The following GIGYF2 variants were observed in gnomAD, a reference collection of about 807,000 sequenced individuals.
GIGYF2 encodes the protein GRB10-interacting GYF protein 2.
Under a neutral mutation model 208.1 loss-of-function variants are expected in GIGYF2, and 25 were observed. The ratio of observed to expected loss-of-function variants is 0.12; its 90% CI spans 0.09 to 0.17. GIGYF2 has a LOEUF of 0.17. GIGYF2 is among the 10% of genes least tolerant of loss of function. The pLI is 1.00. For synonymous variants in GIGYF2, 534 were observed against 543.8 expected (o/e 0.98, Z 0.25); for missense variants, 1,302 against 1,579.4 (o/e 0.82, Z 2.98).
At position 232,735,211 on chromosome 2, in the gene GIGYF2, C is replaced by T. The variant is rs763613530; in HGVS notation, c.14C>T (p.Thr5Met). 8 of 1,608,502 alleles carry T rather than the reference C, an allele frequency of 5.0e-6. No individual in the cohort carries two copies. Among genetic ancestry groups the T allele is most frequent in the South Asian group, 3.3e-5 (3 of 90,928 alleles). ...ATACGGAAAAGAATGGCAGCGGAAA[C>T]GCAGACACTGAACTTTGGGCCTGAA... MAAETQTLNFGPEWL... is the reference protein window; with the variant it reads MAAEMQTLNFGPEWL... Residue 5 changes from threonine (T) to methionine (M), a missense_variant, in exon 3 of 29, where the codon ACG (threonine) becomes ATG (methionine). By Grantham distance (81) the Thr-to-Met change is moderately conservative (BLOSUM62 -1). This residue lies in a region of GIGYF2 where 27 missense variants were observed against 59.5 expected (regional missense o/e 0.45). Transcript: ENST00000373563.
intron 3 of GIGYF2, among the ~76,000 whole-genome samples, chr2:232,742,655 G>A (rs889592583): frequency 4.6e-5 from 7 of 152,152 alleles, no homozygotes; most frequent in African/African-American, 1.7e-4. Flanking sequence ...ATAAAAGTGT[G>A]AATAAAAATT....
At chr2:232,836,308 A>ATACT in intron 22 of GIGYF2, among the ~76,000 whole-genome samples, 1 of 21,586 alleles carries the variant, frequency 4.6e-5, no homozygotes, top group Admixed American at 7.2e-4. Flanking sequence ...ATATATATAT[A>ATACT]TATATATATA....
At chr2:232,853,476 T>C (rs531323998) in intron 28 of GIGYF2, among the ~76,000 whole-genome samples, 41 of 152,324 alleles carry the variant, frequency 2.7e-4, no homozygotes, top group Non-Finnish European at 2.9e-4. Flanking sequence ...GGTTTCACCA[T>C]GTTGGCCCGG....
chr2:232,852,869 C>T (rs184125906), intron 28 of GIGYF2, among the ~76,000 whole-genome samples: 13 of 152,288 alleles, frequency 8.5e-5, no homozygotes, highest in Middle Eastern at 3.4e-3. Flanking sequence ...CTTAAATATT[C>T]CCTTGGATCT....
intron 24 of GIGYF2, 31 bp from the exon 25 acceptor site, chr2:232,844,338 C>T (rs751108589): frequency 8.7e-6 from 14 of 1,610,540 alleles, no homozygotes; most frequent in Non-Finnish European, 1.1e-5. Context: ...ACATGATTCA[C>T]GATAATCATT....
intron 21 of GIGYF2, among the ~76,000 whole-genome samples, chr2:232,829,704 C>T (rs1190485703): frequency 6.6e-6 from 1 of 152,146 alleles, no homozygotes; most frequent in Non-Finnish European, 1.5e-5. Context: ...GATGGTCCCC[C>T]TTCCAAATTT....
chr2:232,736,825 G>C (rs1348024188), intron 3 of GIGYF2, among the ~76,000 whole-genome samples: 2 of 151,882 alleles, frequency 1.3e-5, no homozygotes, highest in Non-Finnish European at 2.9e-5. Flanking sequence ...ATAAAAACAT[G>C]GTTTAAATTG....
Position 232,733,515 on chromosome 2 carries a change from A to AT in GIGYF2, c.-43-1634dup, listed in dbSNP as rs773689826. On this transcript the variant is annotated intron_variant, in intron 2 of 28. Coordinates refer to ENST00000373563, the MANE Select transcript of GIGYF2 (RefSeq NM_001103146.3). ...GCTTTAGACATATTTGTAGTTTATTATTTTTTAGATCATTTAAACAGAGGC... is the reference window on the plus strand; with the variant it reads ...GCTTTAGACATATTTGTAGTTTATTATTTTTTTAGATCATTTAAACAGAGGC... Among the ~76,000 whole-genome samples, 12 of 152,140 alleles carry AT rather than the reference A, an allele frequency of 7.9e-5. 1 individual carries two copies. Among genetic ancestry groups the AT allele is most frequent in the Admixed American group, 6.5e-4 (10 of 15,268 alleles).
intron 8 of GIGYF2, among the ~76,000 whole-genome samples, chr2:232,775,205 G>A (rs1298457453): frequency 1.3e-5 from 2 of 152,086 alleles, no homozygotes; most frequent in African/African-American, 4.8e-5. Context: ...CTTATAGTCA[G>A]TGTGGTTTAG....
intron 1 of GIGYF2, among the ~76,000 whole-genome samples, chr2:232,697,649 G>A (rs1695658301): frequency 6.6e-6 from 1 of 152,248 alleles, no homozygotes; most frequent in Non-Finnish European, 1.5e-5. Flanking sequence ...CGTCACGGCC[G>A]CGAGGAGCCG....
intron 25 of GIGYF2, 21 bp downstream of exon 25, chr2:232,844,595 ACCT>A (rs769004097): frequency 6.5e-7 from 1 of 1,528,298 alleles, no homozygotes; most frequent in Non-Finnish European, 9.0e-7. Flanking sequence ...AAATGACCAC[ACCT>A]ATGCACCTTG....
At chr2:232,854,732 A>T (rs1304291276) in intron 28 of GIGYF2, among the ~76,000 whole-genome samples, 1 of 152,158 alleles carries the variant, frequency 6.6e-6, no homozygotes, top group Non-Finnish European at 1.5e-5. Flanking sequence ...CAGTTAATTA[A>T]GGTATTTTAT....
chr2:232,745,631 A>C (rs1042888828), intron 3 of GIGYF2, among the ~76,000 whole-genome samples: 1 of 152,220 alleles, frequency 6.6e-6, no homozygotes, highest in Non-Finnish European at 1.5e-5. Flanking sequence ...TTTGGTAACT[A>C]TACCAGGTAG....
At chr2:232,713,308 C>T (rs755859860) in intron 2 of GIGYF2, among the ~76,000 whole-genome samples, 4 of 152,094 alleles carry the variant, frequency 2.6e-5, no homozygotes, top group Non-Finnish European at 4.4e-5. Context: ...GAACTCCTGA[C>T]CTCAAGTGAT....
intron 2 of GIGYF2, among the ~76,000 whole-genome samples, chr2:232,734,639 T>A (rs1559391968): frequency 6.6e-6 from 1 of 151,332 alleles, no homozygotes; most frequent in East Asian, 1.9e-4. Context: ...CACTGTCTGT[T>A]AAAAAAAAAT....
rs752098954 is a variant in GIGYF2 at position 232,756,290 on chromosome 2, CAGT to C, written c.336_338del (p.Val114del). The C allele has an allele frequency of 1.9e-6, 3 of 1,579,214 alleles. No homozygotes were observed. Among genetic ancestry groups the C allele is most frequent in the Admixed American group, 1.9e-5 (1 of 53,626 alleles). ...TTGACAGGACGAGGAGGAGGAGGAA[CAGT>C]GGTGGGGGCTCCTAGAGGTCGAAGT... On this transcript the variant is annotated inframe_deletion, in exon 6 of 29. Coordinates refer to ENST00000373563, the MANE Select transcript of GIGYF2 (RefSeq NM_001103146.3).
At chr2:232,757,137 T>G (rs556789930) in intron 6 of GIGYF2, among the ~76,000 whole-genome samples, 1 of 152,178 alleles carries the variant, frequency 6.6e-6, no homozygotes, top group Non-Finnish European at 1.5e-5. Context: ...ATCATGAGTA[T>G]AGAGTATTTA....
chr2:232,762,881 A>G (rs1698803587), intron 8 of GIGYF2, among the ~76,000 whole-genome samples: 1 of 151,898 alleles, frequency 6.6e-6, no homozygotes, highest in Non-Finnish European at 1.5e-5. Context: ...GACCTGCATG[A>G]TGGTATGTGC....
At chr2:232,756,895 A>T (rs768114219) in intron 6 of GIGYF2, among the ~76,000 whole-genome samples, 3 of 152,154 alleles carry the variant, frequency 2.0e-5, no homozygotes, top group Non-Finnish European at 1.5e-5. Flanking sequence ...TGTTTCTTTG[A>T]TATCTGCCCC....
Sources: gnomAD v4.1 joint callset for allele counts (sites outside exome capture counted in the v4.1 genomes callset) on GRCh38, gnomAD v4.1.1 for gene constraint, gnomAD v4.1.1 regional missense constraint, MANE v1.5 for transcripts, NCBI Gene and HGNC (gene_info 2026-07-23, HGNC 2026-07-21) for gene names.